Variants in SSUH2 observed in about 807,000 individuals in gnomAD.
SSUH2 encodes ssu-2 homolog, also known as protein SSUH2 homolog.
Under a neutral mutation model 55.3 loss-of-function variants are expected in SSUH2, and 47 were observed. The ratio of observed to expected loss-of-function variants is 0.85; its 90% CI spans 0.67 to 1.08. The LOEUF is 1.08. SSUH2 is among the 50% of genes least tolerant of loss of function. The pLI is 0.00. For missense variants in SSUH2, 535 were observed against 490.7 expected (o/e 1.09, Z -0.85); for synonymous variants, 212 against 191.5 (o/e 1.11, Z -0.89).
At chr3:8,651,835 C>G (rs1167048899) in intron 7 of SSUH2, among the ~76,000 whole-genome samples, 1 of 152,166 alleles carries the variant, frequency 6.6e-6, no homozygotes. Context: ...AGCTCCTCCC[C>G]TCCTCTGCCT....
chr3:8,668,689 A>T (rs1292558557), intron 5 of SSUH2, among the ~76,000 whole-genome samples: 1 of 152,208 alleles, frequency 6.6e-6, no homozygotes, highest in African/African-American at 2.4e-5. Flanking sequence ...TCACTGAAAA[A>T]TCAGACAAAT....
At chr3:8,674,423 C>T (rs767201402) in intron 3 of SSUH2, among the ~76,000 whole-genome samples, 2 of 152,174 alleles carry the variant, frequency 1.3e-5, no homozygotes, top group African/African-American at 4.8e-5. Context: ...GAGGGGAGAC[C>T]GGGCTCAAGT....
intron 1 of SSUH2, among the ~76,000 whole-genome samples, chr3:8,638,974 G>A (rs1194067216): frequency 6.6e-6 from 1 of 152,118 alleles, no homozygotes; most frequent in Non-Finnish European, 1.5e-5. Context: ...ATGAGAGGTG[G>A]GAAACTCAGA....
At chr3:8,681,164 G>GT (rs1705915868) in intron 1 of SSUH2, among the ~76,000 whole-genome samples, 1 of 142,336 alleles carries the variant, frequency 7.0e-6, no homozygotes, top group Non-Finnish European at 1.6e-5. Flanking sequence ...CCATAGCAGG[G>GT]GGGGGAGTCA....
intron 5 of SSUH2, among the ~76,000 whole-genome samples, chr3:8,668,576 G>A (rs560672706): frequency 6.6e-6 from 1 of 152,210 alleles, no homozygotes; most frequent in East Asian, 1.9e-4. Context: ...TGCTCTCCAG[G>A]GCTTAGGAAC....
chr3:8,619,759 G>T lies in SSUH2; in HGVS notation c.*109C>A. 7.5e-7 allele frequency: 1 copy of T among 1,326,450 alleles called. No individual in the cohort carries two copies. The highest frequency in any genetic ancestry group is 2.3e-5 in the East Asian group (1 of 42,666). The allele number at this position is 1,326,450 out of a possible 1,614,324, so 82.2% of individuals were successfully genotyped here. The stretch of plus-strand genomic sequence containing the variant: ...CTGGTTTTTCTGGAAGGACATGCCA[G>T]GGTTTGTATGTGATTGTCCAATGCA... On this transcript the variant is annotated 3_prime_UTR_variant, in exon 12 of 12. Transcript: ENST00000544814.
At chr3:8,678,767 G>T (rs1409618426) in intron 2 of SSUH2, among the ~76,000 whole-genome samples, 1 of 104,258 alleles carries the variant, frequency 9.6e-6, no homozygotes, top group African/African-American at 3.3e-5. Context: ...AAGAGAGCCA[G>T]CCCCTCTTCC....
intron 7 of SSUH2, among the ~76,000 whole-genome samples, chr3:8,656,936 A>G (rs528318589): frequency 1.1e-4 from 16 of 152,268 alleles, no homozygotes; most frequent in African/African-American, 3.6e-4. Context: ...GCTGGAGTGC[A>G]GTAGCACAGT....
chr3:8,674,941 C>T lies in SSUH2; in HGVS notation c.-753+2265G>A, dbSNP rs577303982. 3.8e-4 allele frequency among the ~76,000 whole-genome samples: 58 copies of T among 152,234 alleles called. 1 individual carries two copies. The highest frequency in any genetic ancestry group is 1.6e-4 in the Non-Finnish European group (11 of 68,006). ...CCAGCCGGTTAGGCAAAAACAGGAC[C>T]GGGTCCCCAGAGAAGCTCTTCAAGG... On this transcript the variant is annotated intron_variant, in intron 3 of 18. Coordinates refer to the SSUH2 transcript ENST00000317371.
At chr3:8,645,124 G>A (rs918902090), upstream of SSUH2, among the ~76,000 whole-genome samples, 1 of 152,228 alleles carries the variant, frequency 6.6e-6, no homozygotes, top group Admixed American at 6.5e-5. Context: ...TGACAACTGA[G>A]CTACATCGCC....
intron 5 of SSUH2, among the ~76,000 whole-genome samples, chr3:8,665,436 T>C (rs1443355550): frequency 6.6e-6 from 1 of 152,222 alleles, no homozygotes; most frequent in African/African-American, 2.4e-5. Flanking sequence ...CATTCTGCAG[T>C]CTCTGTCCCT....
At chr3:8,659,609 G>C (rs373157208) in intron 6 of SSUH2, 1 of 331,946 alleles carries the variant, frequency 3.0e-6, no homozygotes, top group African/African-American at 2.2e-5. Context: ...ATCTGCTGGA[G>C]GCCGGGGGCT....
upstream of SSUH2, chr3:8,644,927 C>A: frequency 4.5e-6 from 3 of 661,502 alleles, no homozygotes; most frequent in South Asian, 5.2e-5. Flanking sequence ...TGCTCTGCAC[C>A]CAATCCACCG....
chr3:8,671,125 C>T (rs1447139561), exon 5 of SSUH2: 3 of 228,092 alleles, frequency 1.3e-5, no homozygotes, highest in South Asian at 1.1e-4. Context: ...AGGGTCTACA[C>T]GTCCTGTGAC....
At chr3:8,623,696 G>C in intron 10 of SSUH2, 40 bp from the exon 11 acceptor site, 1 of 1,098,790 alleles carries the variant, frequency 9.1e-7, no homozygotes, top group East Asian at 2.7e-5. Context: ...CCTGGCTGCC[G>C]CACCTGGAGC....
Position 8,637,131 on chromosome 3 carries a change from C to T in SSUH2, c.29-1274G>A, listed in dbSNP as rs185400416. ...TAGAAAATATGACACACTCTCGTGA[C>T]GCCAGGCAGCGGCAGTGAACCACAG... On this transcript the variant is annotated intron_variant, in intron 1 of 11. Transcript: ENST00000544814. 1.6e-3 allele frequency among the ~76,000 whole-genome samples: 236 copies of T among 152,248 alleles called. 1 individual carries two copies. The highest frequency in any genetic ancestry group is 0.012 in the Admixed American group (182 of 15,296).
intron 11 of SSUH2, among the ~76,000 whole-genome samples, chr3:8,623,122 A>C (rs1270225385): frequency 6.6e-6 from 1 of 152,192 alleles, no homozygotes; most frequent in Non-Finnish European, 1.5e-5. Context: ...CAGCGGCCAA[A>C]ACCACAGAGG....
chr3:8,657,626 G>C (rs1703065415), intron 7 of SSUH2, among the ~76,000 whole-genome samples: 1 of 152,306 alleles, frequency 6.6e-6, no homozygotes, highest in East Asian at 1.9e-4. Flanking sequence ...GATGAAAAGA[G>C]TCAAGTACAT....
At chr3:8,633,612 C>T (rs1036284849) in intron 4 of SSUH2, 54 bp downstream of exon 4, 18 of 1,420,366 alleles carry the variant, frequency 1.3e-5, no homozygotes, top group Admixed American at 8.1e-5. Context: ...TGTCCCAAAG[C>T]CCCCAGCTCC....
Sources: gnomAD v4.1 joint callset for allele counts (sites outside exome capture counted in the v4.1 genomes callset) on GRCh38, gnomAD v4.1.1 for gene constraint, MANE v1.5 for transcripts, NCBI Gene and HGNC (gene_info 2026-07-23, HGNC 2026-07-21) for gene names.